STK32A: variants seen among roughly 807,000 people sequenced by gnomAD.
STK32A encodes the protein serine/threonine kinase 32A, also known as serine/threonine-protein kinase 32A.
A neutral mutation model predicts 53.2 loss-of-function variants in STK32A; 41 were observed. That is an observed-to-expected ratio of 0.77 (90% CI 0.60 to 1.00). The LOEUF is 1.00. Among genes scored for constraint, STK32A ranks in the 50% least tolerant of loss-of-function variants. The probability of loss-of-function intolerance (pLI) is 0.00; values close to 1 mark genes in which losing one functional copy is unlikely to be tolerated. For synonymous variants in STK32A, 166 were observed against 162.8 expected (o/e 1.02, Z -0.15); for missense variants, 458 against 485.8 (o/e 0.94, Z 0.54).
At chr5:147,364,689 G>T (rs1055870769) in intron 8 of STK32A, among the ~76,000 whole-genome samples, 2 of 152,056 alleles carry the variant, frequency 1.3e-5, no homozygotes, top group Non-Finnish European at 2.9e-5. Flanking sequence ...CTTCTTTCTT[G>T]CCCTCACATG....
At chr5:147,286,319 G>A (rs568741035) in intron 4 of STK32A, among the ~76,000 whole-genome samples, 6 of 152,202 alleles carry the variant, frequency 3.9e-5, no homozygotes, top group South Asian at 4.1e-4. Context: ...CAAATGTGGT[G>A]TAGTGTATAC....
rs1375915400 is a variant in STK32A, at chr5:147,235,089, AG to A, written c.-205del. 2.6e-5 allele frequency: 4 copies of A among 155,024 alleles called. No individual in the cohort carries two copies. Among genetic ancestry groups the A allele is most frequent in the African/African-American group, 9.6e-5 (4 of 41,498 alleles). 9.6% of individuals were successfully genotyped at this position (155,024 alleles called of 1,614,324 possible). A position where few individuals can be genotyped will look rare whatever the true frequency, so the allele number is the denominator to read the frequency against. On this transcript the variant is annotated 5_prime_UTR_variant, in exon 1 of 13. Transcript: ENST00000397936. The stretch of plus-strand genomic sequence containing the variant: ...CAGCCTCCGCCGCTTCCGGGCAGAT[AG>A]GTGCCTTTTCTTGCTCCTTGCTCTT...
rs1734001083 is a variant in STK32A at position 147,387,618 on chromosome 5, T to C, written c.*3635T>C. ...TTTCTGTACCCAGTTGTCCCTGTAT[T>C]GTCTACATAAAATCCTGTTTCCTGC... On this transcript the variant is annotated 3_prime_UTR_variant, in exon 13 of 13. Transcript: ENST00000397936. 1 of 152,250 alleles carries C rather than the reference T, an allele frequency of 6.6e-6. No individual in the cohort carries two copies. The highest frequency in any genetic ancestry group is 2.4e-5 in the African/African-American group (1 of 41,470). The allele number at this position is 152,250 out of a possible 1,614,324, so 9.4% of individuals were successfully genotyped here. A position where few individuals can be genotyped will look rare whatever the true frequency, so the allele number is the denominator to read the frequency against.
At chr5:147,286,780 T>A (rs1202645082) in intron 4 of STK32A, among the ~76,000 whole-genome samples, 1 of 152,188 alleles carries the variant, frequency 6.6e-6, no homozygotes, top group Non-Finnish European at 1.5e-5. Context: ...TGGTCAGTTG[T>A]CACAGTTCCC....
At chr5:147,263,007 A>T (rs994138460) in intron 2 of STK32A, among the ~76,000 whole-genome samples, 1 of 76,028 alleles carries the variant, frequency 1.3e-5, no homozygotes. Flanking sequence ...GACAAAAAAA[A>T]ATTCTCCACT....
intron 2 of STK32A, among the ~76,000 whole-genome samples, chr5:147,269,864 A>G (rs1258478835): frequency 1.3e-5 from 2 of 152,220 alleles, no homozygotes; most frequent in Non-Finnish European, 2.9e-5. Context: ...CATACACTCA[A>G]TAATCACTAT....
At chr5:147,350,971 T>A (rs768107868) in intron 6 of STK32A, 94 bp from the exon 7 acceptor site, 144 of 1,040,098 alleles carry the variant, frequency 1.4e-4, no homozygotes, top group Middle Eastern at 2.0e-4. Context: ...CTACAAGAAT[T>A]AACAGACTAA....
intron 5 of STK32A, among the ~76,000 whole-genome samples, chr5:147,340,707 T>C (rs988219747): frequency 1.3e-5 from 2 of 152,214 alleles, no homozygotes; most frequent in African/African-American, 4.8e-5. Flanking sequence ...CTTTCTCTTA[T>C]ACATTTTTCT....
intron 8 of STK32A, among the ~76,000 whole-genome samples, chr5:147,364,079 G>A (rs1360480039): frequency 6.6e-6 from 1 of 151,996 alleles, no homozygotes; most frequent in Admixed American, 6.6e-5. Flanking sequence ...GCCGGGCATG[G>A]TGGTGGATGC....
intron 5 of STK32A, among the ~76,000 whole-genome samples, chr5:147,332,877 G>A (rs1754941118): frequency 6.6e-6 from 1 of 152,142 alleles, no homozygotes; most frequent in African/African-American, 2.4e-5. Context: ...AGTTTCAAAA[G>A]GGCTTTGCAA....
intron 11 of STK32A, among the ~76,000 whole-genome samples, chr5:147,380,350 C>T (rs780705613): frequency 6.6e-6 from 1 of 151,994 alleles, no homozygotes; most frequent in Non-Finnish European, 1.5e-5. Flanking sequence ...GTGTCTTCTC[C>T]TTTGTCTTGT....
intron 2 of STK32A, among the ~76,000 whole-genome samples, chr5:147,265,446 A>G (rs1754765578): frequency 6.6e-6 from 1 of 152,190 alleles, no homozygotes; most frequent in Non-Finnish European, 1.5e-5. Flanking sequence ...GTCTATCTAT[A>G]CATTTATTCA....
intron 4 of STK32A, among the ~76,000 whole-genome samples, chr5:147,280,454 C>T (rs1256639489): frequency 1.3e-5 from 2 of 151,608 alleles, no homozygotes; most frequent in Non-Finnish European, 2.9e-5. Flanking sequence ...GTGGAAAGCA[C>T]GGTGGGAGTG....
Position 147,373,227 on chromosome 5 carries a change from C to A in STK32A, c.836C>A (p.Pro279Gln). 3 of 1,613,384 alleles carry A rather than the reference C, an allele frequency of 1.9e-6. No individual in the cohort carries two copies. The highest frequency in any genetic ancestry group is 2.5e-6 in the Non-Finnish European group (3 of 1,179,580). The change falls in exon 10 of 13, where the codon CCG (proline) becomes CAG (glutamine). Residue 279 changes from proline to glutamine, a missense_variant. Pro to Gln is a moderately conservative substitution (Grantham distance 76, BLOSUM62 -1). Transcript: ENST00000397936. ...FSQLSDVQNF[P>Q]YMNDINWDAV... ...CAGTTATCTGATGTCCAGAACTTCC[C>A]GTATATGAATGATATAAACTGGGAT...
the STK32A span, chr5:147,395,520 C>T: frequency 6.3e-7 from 1 of 1,577,410 alleles, no homozygotes; most frequent in Non-Finnish European, 8.6e-7. Flanking sequence ...TCTTCCCCTT[C>T]CCCCTTCTCT....
chr5:147,351,371 G>A (rs1755969480), intron 7 of STK32A, among the ~76,000 whole-genome samples: 1 of 152,146 alleles, frequency 6.6e-6, no homozygotes, highest in African/African-American at 2.4e-5. Context: ...TACTTCGTGT[G>A]TCAAGGAAGA....
At chr5:147,277,087 TC>T (rs1751766178) in intron 2 of STK32A, among the ~76,000 whole-genome samples, 4 of 152,324 alleles carry the variant, frequency 2.6e-5, no homozygotes, top group Admixed American at 2.6e-4. Flanking sequence ...CCAAACTTTT[TC>T]CTTCAGAAGG....
the STK32A span, chr5:147,397,546 G>A: frequency 9.2e-7 from 1 of 1,083,726 alleles, no homozygotes. Context: ...GGACAAGACT[G>A]TCACTGAATT....
chr5:147,343,024 T>C lies in STK32A; in HGVS notation c.453T>C (p.Asn151=). The C allele has an allele frequency of 6.2e-7, 1 of 1,613,480 alleles. No individual in the cohort carries two copies. Among genetic ancestry groups the C allele is most frequent in the African/African-American group, 1.3e-5 (1 of 75,018 alleles). Residue 151 remains asparagine, a synonymous_variant, in exon 6 of 13, where the codon AAT becomes AAC. Transcript: ENST00000397936. ...RIIHRDMKPD[N]ILLDEHGHVH... Reference sequence around the variant, plus strand: ...CCTCTAGGGATATGAAGCCTGACAATATTTTACTTGACGAACATGGTAAGT... The same window carrying C: ...CCTCTAGGGATATGAAGCCTGACAACATTTTACTTGACGAACATGGTAAGT...
Sources: allele counts gnomAD v4.1 joint callset (sites outside exome capture counted in the v4.1 genomes callset), GRCh38; gene constraint gnomAD v4.1.1; transcripts MANE v1.5; gene names NCBI Gene and HGNC (gene_info 2026-07-23, HGNC 2026-07-21).